HNRNPA0: variants seen among roughly 807,000 people sequenced by gnomAD.
HNRNPA0 encodes the protein hnRNA binding protein.
For synonymous variants in HNRNPA0, 243 were observed against 195.5 expected, an observed-to-expected ratio of 1.24 and a Z score of -2.03; for missense variants, 252 against 433.7, an observed-to-expected ratio of 0.58 and a Z score of 3.72.
chr5:137,753,111 TACCCC>T lies in HNRNPA0; in HGVS notation c.*33_*37del, dbSNP rs1174122740. 1 of 1,575,600 alleles carries T rather than the reference TACCCC, an allele frequency of 6.3e-7. No individual in the cohort carries two copies. ...CCCCACTTGGGCTGTTGGAAAGAGC[TACCCC>T]TATAGCCACTCCCAGGCATTTTAAA... On this transcript the variant is annotated 3_prime_UTR_variant, in exon 1 of 1. Coordinates refer to ENST00000314940, the MANE Select transcript of HNRNPA0 (RefSeq NM_006805.4). The surrounding 1 kb of genome is among the most constrained non-coding windows in gnomAD (Gnocchi z 6.1).
rs949968470 is a variant in HNRNPA0, at chr5:137,746,823, C to T, written c.*6326G>A. On this transcript the variant is annotated 3_prime_UTR_variant, in exon 1 of 1. Coordinates refer to ENST00000314940, the MANE Select transcript of HNRNPA0 (RefSeq NM_006805.4). The stretch of plus-strand genomic sequence containing the variant: ...GCACAATCACCCAGCAGAAGAGTAA[C>T]AAATTTTAACTTGACATACTAAGAA... The T allele has an allele frequency of 6.6e-6, 1 of 152,062 alleles. No homozygotes were observed. The highest frequency in any genetic ancestry group is 2.4e-5 in the African/African-American group (1 of 41,412). The allele number at this position is 152,062 out of a possible 1,614,324, so 9.4% of individuals were successfully genotyped here. A position where few individuals can be genotyped will look rare whatever the true frequency, so the allele number is the denominator to read the frequency against.
rs1196726173 is a variant in HNRNPA0, at chr5:137,746,485, C to T, written c.*6664G>A. 6.6e-6 allele frequency: 1 copy of T among 152,248 alleles called. No individual in the cohort carries two copies. The highest frequency in any genetic ancestry group is 1.5e-5 in the Non-Finnish European group (1 of 68,068). 9.4% of individuals were successfully genotyped at this position (152,248 alleles called of 1,614,324 possible). On this transcript the variant is annotated 3_prime_UTR_variant, in exon 1 of 1. Coordinates refer to ENST00000314940, the MANE Select transcript of HNRNPA0 (RefSeq NM_006805.4). ...TCTTCAGAGGCCAGACACAGTCCTG[C>T]TTCAGGGCTTTTGCTCTTCCTAATC...
chr5:137,753,635 C>A lies in HNRNPA0; in HGVS notation c.432G>T (p.Val144=). ...CTGCCGCGTCGTGATTCTGGAAATA[C>A]ACGAAGCCGAATCCACGCTTCTTGC... ...QSGKKRGFGF[V]YFQNHDAADK... is the part of the protein sequence containing the mutation. The change falls in exon 1 of 1, where the codon GTG becomes GTT. Residue 144 remains valine (V), a synonymous_variant. Coordinates refer to ENST00000314940, the MANE Select transcript of HNRNPA0 (RefSeq NM_006805.4). The surrounding 1 kb of genome is among the most constrained non-coding windows in gnomAD (Gnocchi z 6.1). 1 of 1,614,190 alleles carries A rather than the reference C, an allele frequency of 6.2e-7. No individual in the cohort carries two copies. The highest frequency in any genetic ancestry group is 8.5e-7 in the Non-Finnish European group (1 of 1,180,044).
chr5:137,753,497 G>C lies in HNRNPA0; in HGVS notation c.570C>G (p.Ser190=). ...YSGGGGGGSR[S]SRGGRGGRGR... ...CCCGGCCGCCTCGGCCGCCCCGGGAGGATCGGGAGCCGCCTCCACCCCCAC... is the reference window on the plus strand; with the variant it reads ...CCCGGCCGCCTCGGCCGCCCCGGGACGATCGGGAGCCGCCTCCACCCCCAC... Residue 190 remains serine (S), a synonymous_variant, in exon 1 of 1, where the codon TCC becomes TCG. Transcript: ENST00000314940. The surrounding 1 kb of genome is among the most constrained non-coding windows in gnomAD (Gnocchi z 6.1). 6.3e-7 allele frequency: 1 copy of C among 1,593,958 alleles called. No individual in the cohort carries two copies. The highest frequency in any genetic ancestry group is 8.5e-7 in the Non-Finnish European group (1 of 1,169,918).
rs1348923514 is a variant in HNRNPA0 at position 137,751,567 on chromosome 5, A to G, written c.*1582T>C. 6.6e-6 allele frequency: 1 copy of G among 150,480 alleles called. No individual in the cohort carries two copies. Among genetic ancestry groups the G allele is most frequent in the Non-Finnish European group, 1.5e-5 (1 of 67,636 alleles). The allele number at this position is 150,480 out of a possible 1,614,324, so 9.3% of individuals were successfully genotyped here. On this transcript the variant is annotated 3_prime_UTR_variant, in exon 1 of 1. Coordinates refer to ENST00000314940, the MANE Select transcript of HNRNPA0 (RefSeq NM_006805.4). ...ACCAGGTTATACATACTCTCACTCA[A>G]TCATGTAAAGAATTGAATTCTTTAT... is the stretch of plus-strand genomic sequence containing the variant.
rs1046372719 is a variant in HNRNPA0 at position 137,754,090 on chromosome 5, C to A, written c.-24G>T. On this transcript the variant is annotated 5_prime_UTR_variant, in exon 1 of 1. Coordinates refer to ENST00000314940, the MANE Select transcript of HNRNPA0 (RefSeq NM_006805.4). ...ATCTCCAAGGCCCGGGCCTTGCCCC[C>A]GCCCTGCGAGCTCCGAGGTTTCGCC... 1 of 1,586,688 alleles carries A rather than the reference C, an allele frequency of 6.3e-7. No homozygotes were observed.
chr5:137,750,007 T>G lies in HNRNPA0; in HGVS notation c.*3142A>C, dbSNP rs150166088. 2.6e-5 allele frequency: 4 copies of G among 152,322 alleles called. No homozygotes were observed. Among genetic ancestry groups the G allele is most frequent in the South Asian group, 2.1e-4 (1 of 4,832 alleles). 9.4% of individuals were successfully genotyped at this position (152,322 alleles called of 1,614,324 possible). On this transcript the variant is annotated 3_prime_UTR_variant, in exon 1 of 1. Coordinates refer to ENST00000314940, the MANE Select transcript of HNRNPA0 (RefSeq NM_006805.4). ...AATGGATGAATGGGTACAATCAGTATAGTCATTCTGATTTGATAGTTATCA... is the reference window on the plus strand; with the variant it reads ...AATGGATGAATGGGTACAATCAGTAGAGTCATTCTGATTTGATAGTTATCA...
In HNRNPA0 at chr5:137,753,113, C is replaced by G. The variant is rs1477615372; in HGVS notation, c.*36G>C. ...CCACTTGGGCTGTTGGAAAGAGCTACCCCTATAGCCACTCCCAGGCATTTT... is the reference window on the plus strand; with the variant it reads ...CCACTTGGGCTGTTGGAAAGAGCTAGCCCTATAGCCACTCCCAGGCATTTT... On this transcript the variant is annotated 3_prime_UTR_variant, in exon 1 of 1. Transcript: ENST00000314940. The surrounding 1 kb of genome is among the most constrained non-coding windows in gnomAD (Gnocchi z 6.1). 1 of 1,579,862 alleles carries G rather than the reference C, an allele frequency of 6.3e-7. No individual in the cohort carries two copies. The highest frequency in any genetic ancestry group is 8.6e-7 in the Non-Finnish European group (1 of 1,160,812).
rs201413719 is a variant in HNRNPA0 at position 137,752,583 on chromosome 5, CG to C, written c.*565del. ...AACAAATATCCCTTAAAAAACGGTA[CG>C]GAATGGATCCTAGAAAAAAAATGTT... On this transcript the variant is annotated 3_prime_UTR_variant, in exon 1 of 1. Transcript: ENST00000314940. 0.023 allele frequency: 3,480 copies of C among 152,544 alleles called. 74 individuals are homozygous for C. Among genetic ancestry groups the C allele is most frequent in the Non-Finnish European group, 0.033 (2,221 of 68,066 alleles). 9.4% of individuals were successfully genotyped at this position (152,544 alleles called of 1,614,324 possible).
Position 137,748,074 on chromosome 5 carries a change from G to A in HNRNPA0, c.*5075C>T, listed in dbSNP as rs1753438423. On this transcript the variant is annotated 3_prime_UTR_variant, in exon 1 of 1. Coordinates refer to ENST00000314940, the MANE Select transcript of HNRNPA0 (RefSeq NM_006805.4). ...TGAAGGTTACTGAATGATGCAATGA[G>A]AACATTTGTAAATGTACCTAGTGTT... 6.6e-6 allele frequency: 1 copy of A among 152,132 alleles called. No homozygotes were observed. The highest frequency in any genetic ancestry group is 2.4e-5 in the African/African-American group (1 of 41,424). 9.4% of individuals were successfully genotyped at this position (152,132 alleles called of 1,614,324 possible).
chr5:137,752,959 G>C lies in HNRNPA0; in HGVS notation c.*190C>G. 3 of 556,308 alleles carry C rather than the reference G, an allele frequency of 5.4e-6. No homozygotes were observed. In the South Asian group the frequency reaches 9.0e-5, roughly 17 times the overall value. 34.5% of individuals were successfully genotyped at this position (556,308 alleles called of 1,614,324 possible). A position where few individuals can be genotyped will look rare whatever the true frequency, so the allele number is the denominator to read the frequency against. On this transcript the variant is annotated 3_prime_UTR_variant, in exon 1 of 1. Coordinates refer to ENST00000314940, the MANE Select transcript of HNRNPA0 (RefSeq NM_006805.4). ...ATGTGGGGCCGAGTCCATCTTCAGA[G>C]GGAGAGACAAGAGAGGTGGCAGGCA... is the stretch of plus-strand genomic sequence containing the variant.
chr5:137,747,033 G>A lies in HNRNPA0; in HGVS notation c.*6116C>T, dbSNP rs1311145380. On this transcript the variant is annotated 3_prime_UTR_variant, in exon 1 of 1. Transcript: ENST00000314940. ...TTTAATAAAAGGAACTATTTACAAGGGTATGGGCACAGTTAAGGCAAATCA... is the reference window on the plus strand; with the variant it reads ...TTTAATAAAAGGAACTATTTACAAGAGTATGGGCACAGTTAAGGCAAATCA... 6.6e-6 allele frequency: 1 copy of A among 152,094 alleles called. No homozygotes were observed. The highest frequency in any genetic ancestry group is 1.5e-5 in the Non-Finnish European group (1 of 68,008). The allele number at this position is 152,094 out of a possible 1,614,324, so 9.4% of individuals were successfully genotyped here.
At position 137,748,557 on chromosome 5, in the gene HNRNPA0, TTA is replaced by T. The variant is rs1488619474; in HGVS notation, c.*4590_*4591del. 3 of 152,276 alleles carry T rather than the reference TTA, an allele frequency of 2.0e-5. No individual in the cohort carries two copies. Among genetic ancestry groups the T allele is most frequent in the African/African-American group, 7.2e-5 (3 of 41,550 alleles). The allele number at this position is 152,276 out of a possible 1,614,324, so 9.4% of individuals were successfully genotyped here. ...ACCAGAGACTACAGTAAGCCCTTCT[TTA>T]TATGCATTCTTTCACTGAATCTGCC... On this transcript the variant is annotated 3_prime_UTR_variant, in exon 1 of 1. Coordinates refer to ENST00000314940, the MANE Select transcript of HNRNPA0 (RefSeq NM_006805.4).
In HNRNPA0 at chr5:137,751,756, C is replaced by T. The variant is rs1347306877; in HGVS notation, c.*1393G>A. The stretch of plus-strand genomic sequence containing the variant: ...CCAAGCAGAATACACAGATATTTTG[C>T]TTTACAACTTGCACCTAAAATACCA... On this transcript the variant is annotated 3_prime_UTR_variant, in exon 1 of 1. Transcript: ENST00000314940. 6.6e-6 allele frequency: 1 copy of T among 152,602 alleles called. No homozygotes were observed. The highest frequency in any genetic ancestry group is 1.9e-4 in the East Asian group (1 of 5,200). 9.5% of individuals were successfully genotyped at this position (152,602 alleles called of 1,614,324 possible).
chr5:137,752,531 A>T lies in HNRNPA0; in HGVS notation c.*618T>A, dbSNP rs764894152. On this transcript the variant is annotated 3_prime_UTR_variant, in exon 1 of 1. Coordinates refer to ENST00000314940, the MANE Select transcript of HNRNPA0 (RefSeq NM_006805.4). The stretch of plus-strand genomic sequence containing the variant: ...TAAGTTTCTCTAAGTACACATCAAG[A>T]ATAAAGAATTAACACGTAAAGTCTT... 2 of 152,606 alleles carry T rather than the reference A, an allele frequency of 1.3e-5. No homozygotes were observed. Among genetic ancestry groups the T allele is most frequent in the Non-Finnish European group, 2.9e-5 (2 of 68,052 alleles). 9.5% of individuals were successfully genotyped at this position (152,606 alleles called of 1,614,324 possible).
In HNRNPA0 at chr5:137,753,301, C is replaced by T; in HGVS notation, c.766G>A (p.Gly256Ser). The T allele has an allele frequency of 6.4e-7, 1 of 1,563,648 alleles. No individual in the cohort carries two copies. ...GAGGACTGATGCTGGCTGTAGCTGC[C>T]GAAGCCGCCGAAGCCGTTACCGTAG... ...SDYGNGFGGF[G>S]SYSQHQSSYG... The change falls in exon 1 of 1, where the codon GGC becomes AGC. Residue 256 changes from glycine to serine, a missense_variant. By Grantham distance (56) the Gly-to-Ser change is moderately conservative (BLOSUM62 0). Coordinates refer to ENST00000314940, the MANE Select transcript of HNRNPA0 (RefSeq NM_006805.4). This position sits in a 1 kb window ranked among gnomAD's most constrained non-coding sequence, Gnocchi z 6.1.
rs1474549033 is a variant in HNRNPA0, at chr5:137,750,100, A to AAATG, written c.*3045_*3048dup. The stretch of plus-strand genomic sequence containing the variant: ...AAATCAGTACCAATGAGAGCTTTTT[A>AAATG]AATGACCTGAAAAACACTACAGATA... On this transcript the variant is annotated 3_prime_UTR_variant, in exon 1 of 1. Transcript: ENST00000314940. The AAATG allele has an allele frequency of 2.0e-5, 3 of 152,192 alleles. No individual in the cohort carries two copies. The highest frequency in any genetic ancestry group is 2.9e-5 in the Non-Finnish European group (2 of 68,010). The allele number at this position is 152,192 out of a possible 1,614,324, so 9.4% of individuals were successfully genotyped here.
chr5:137,754,107 G>C lies in HNRNPA0; in HGVS notation c.-41C>G, dbSNP rs1276580871. 2 of 1,561,594 alleles carry C rather than the reference G, an allele frequency of 1.3e-6. No individual in the cohort carries two copies. On this transcript the variant is annotated 5_prime_UTR_variant, in exon 1 of 1. Coordinates refer to ENST00000314940, the MANE Select transcript of HNRNPA0 (RefSeq NM_006805.4). ...CTTGCCCCCGCCCTGCGAGCTCCGA[G>C]GTTTCGCCGTCGCCGCCGTTATCGT...
In HNRNPA0 at chr5:137,754,019, C is replaced by T. The variant is rs1753556656; in HGVS notation, c.48G>A (p.Val16=). ...CGCGCAGGCCCGACTCACTCGTCTG[C>T]ACATTGAGGCCGCCGATGAACAGCT... ...LCKLFIGGLN[V]QTSESGLRGH... Residue 16 remains valine, a synonymous_variant, in exon 1 of 1, where the codon GTG becomes GTA. Coordinates refer to ENST00000314940, the MANE Select transcript of HNRNPA0 (RefSeq NM_006805.4). 2 of 1,614,038 alleles carry T rather than the reference C, an allele frequency of 1.2e-6. No homozygotes were observed. Among genetic ancestry groups the T allele is most frequent in the South Asian group, 2.2e-5 (2 of 91,084 alleles).
Sources: gnomAD v4.1 joint callset for allele counts on GRCh38, gnomAD v4.1.1 for gene constraint, Gnocchi (gnomAD v3.1) non-coding constraint, MANE v1.5 for transcripts, NCBI Gene and HGNC (gene_info 2026-07-23, HGNC 2026-07-21) for gene names.